Variants in RASSF8 observed in about 807,000 individuals in gnomAD.
RASSF8 encodes Ras association domain family member 8, also known as ras association domain-containing protein 8.
A neutral mutation model predicts 48.5 loss-of-function variants in RASSF8; 22 were observed. The observed-to-expected ratio is 0.45, with a 90% CI of 0.32 to 0.65. RASSF8 has a LOEUF of 0.65. RASSF8 is among the 30% of genes least tolerant of loss of function. RASSF8 has a pLI of 0.03. For missense variants in RASSF8, 418 were observed against 489.2 expected (o/e 0.85, Z 1.37); for synonymous variants, 127 against 171.5 (o/e 0.74, Z 2.03).
intron 2 of RASSF8, among the ~76,000 whole-genome samples, chr12:26,038,374 G>A: frequency 6.6e-6 from 1 of 152,098 alleles, no homozygotes; most frequent in East Asian, 1.9e-4. Flanking sequence ...TCCTGCAAAT[G>A]TACTTGTGTG....
At chr12:25,986,715 ATTC>A (rs892093008) in intron 1 of RASSF8, among the ~76,000 whole-genome samples, 2 of 152,186 alleles carry the variant, frequency 1.3e-5, no homozygotes, top group South Asian at 2.1e-4. Flanking sequence ...AGTCTCACCT[ATTC>A]TTTCCAGTGG....
At chr12:26,049,689 C>T (rs1433750176) in intron 2 of RASSF8, among the ~76,000 whole-genome samples, 1 of 152,210 alleles carries the variant, frequency 6.6e-6, no homozygotes, top group African/African-American at 2.4e-5. Flanking sequence ...CAACTGAGTG[C>T]CCTTGTAGCA....
chr12:26,000,908 G>A (rs555062891), intron 2 of RASSF8, among the ~76,000 whole-genome samples: 19 of 151,904 alleles, frequency 1.3e-4, no homozygotes, highest in African/African-American at 3.9e-4. Context: ...TGTGAGGGCC[G>A]AGGACATTAT....
At chr12:26,066,331 G>T (rs746202253) in intron 4 of RASSF8, among the ~76,000 whole-genome samples, 2 of 152,160 alleles carry the variant, frequency 1.3e-5, no homozygotes, top group Non-Finnish European at 2.9e-5. Flanking sequence ...GAAACAGGAT[G>T]CCCAAGTAAT....
intron 3 of RASSF8, among the ~76,000 whole-genome samples, chr12:26,060,305 A>C (rs903729608): frequency 6.6e-6 from 1 of 152,152 alleles, no homozygotes; most frequent in Non-Finnish European, 1.5e-5. Context: ...GGATGATGTA[A>C]CTATGGTTTG....
downstream of RASSF8, among the ~76,000 whole-genome samples, chr12:26,073,730 A>ACTCT (rs1555171917): frequency 0.32 from 44,838 of 137,996 alleles, 8,581 homozygotes; most frequent in Non-Finnish European, 0.43. Context: ...CAAAAGCGAG[A>ACTCT]CTCTCTCTCT....
intron 2 of RASSF8, among the ~76,000 whole-genome samples, chr12:26,044,651 C>T (rs1429188481): frequency 1.3e-5 from 2 of 152,126 alleles, no homozygotes; most frequent in African/African-American, 4.8e-5. Flanking sequence ...ATGTAGAATA[C>T]TGTAAAATAG....
intron 3 of RASSF8, among the ~76,000 whole-genome samples, chr12:26,056,924 T>C (rs1943615904): frequency 6.6e-6 from 1 of 152,210 alleles, no homozygotes; most frequent in South Asian, 2.1e-4. Flanking sequence ...AATTAAAATA[T>C]ACAGCTTTTT....
chr12:25,969,059 G>A (rs1941423388), intron 1 of RASSF8, among the ~76,000 whole-genome samples: 1 of 152,220 alleles, frequency 6.6e-6, no homozygotes, highest in Non-Finnish European at 1.5e-5. Flanking sequence ...CAGCCACCAT[G>A]CGGGTAAGGC....
chr12:26,075,100 G>C (rs1024450880), downstream of RASSF8, among the ~76,000 whole-genome samples: 3 of 152,184 alleles, frequency 2.0e-5, no homozygotes, highest in Admixed American at 6.5e-5. Context: ...TAAGAAAGCA[G>C]TTTGTGCACG....
At chr12:26,045,866 C>A (rs550105924) in intron 2 of RASSF8, among the ~76,000 whole-genome samples, 1 of 152,232 alleles carries the variant, frequency 6.6e-6, no homozygotes, top group East Asian at 1.9e-4. Flanking sequence ...ATTCATTATA[C>A]CTGAATGGTG....
At chr12:26,058,694 A>G (rs1196193110) in intron 3 of RASSF8, among the ~76,000 whole-genome samples, 1 of 152,220 alleles carries the variant, frequency 6.6e-6, no homozygotes, top group East Asian at 1.9e-4. Flanking sequence ...AAATATATAT[A>G]TGACAGCTAA....
intron 2 of RASSF8, among the ~76,000 whole-genome samples, chr12:26,020,891 A>G (rs904496254): frequency 6.6e-6 from 1 of 152,206 alleles, no homozygotes; most frequent in Non-Finnish European, 1.5e-5. Context: ...AAGATGAGGA[A>G]AGTAAAACAA....
At chr12:25,964,277 T>C (rs1941306134) in intron 1 of RASSF8, among the ~76,000 whole-genome samples, 1 of 151,330 alleles carries the variant, frequency 6.6e-6, no homozygotes, top group Admixed American at 6.6e-5. Flanking sequence ...TAGAAAGCTA[T>C]TCTTAGCAAG....
intron 2 of RASSF8, among the ~76,000 whole-genome samples, chr12:26,006,638 A>G (rs1420497688): frequency 1.3e-5 from 2 of 152,184 alleles, no homozygotes; most frequent in African/African-American, 2.4e-5. Flanking sequence ...CTAGGGCACT[A>G]TTGATAATTA....
intron 5 of RASSF8, 49 bp from the exon 6 acceptor site, chr12:26,068,648 A>T (rs893548344): frequency 7.2e-7 from 1 of 1,384,176 alleles, no homozygotes; most frequent in African/African-American, 1.4e-5. Context: ...ATTGCTAAGT[A>T]CTCCAAGTTG....
At chr12:26,015,496 G>A (rs1159193118) in intron 2 of RASSF8, among the ~76,000 whole-genome samples, 1 of 152,112 alleles carries the variant, frequency 6.6e-6, no homozygotes, top group Non-Finnish European at 1.5e-5. Context: ...ATATTTTTCC[G>A]TTGATAGGCC....
At chr12:25,986,378 A>T (rs1203979832) in intron 1 of RASSF8, among the ~76,000 whole-genome samples, 1 of 152,236 alleles carries the variant, frequency 6.6e-6, no homozygotes, top group Non-Finnish European at 1.5e-5. Flanking sequence ...CCAAGTTCAC[A>T]TGACAGCAGA....
chr12:25,987,187 G>T (rs1341449434), intron 1 of RASSF8, among the ~76,000 whole-genome samples: 1 of 152,124 alleles, frequency 6.6e-6, no homozygotes, highest in Non-Finnish European at 1.5e-5. Flanking sequence ...ACCTGCCTCG[G>T]CCTCCCAAAG....
Sources: allele counts gnomAD v4.1 joint callset (sites outside exome capture counted in the v4.1 genomes callset), GRCh38; gene constraint gnomAD v4.1.1; transcripts MANE v1.5; gene names NCBI Gene and HGNC (gene_info 2026-07-23, HGNC 2026-07-21).